The following SAR1B variants were observed in gnomAD, a reference collection of about 807,000 sequenced individuals.
The protein encoded by SAR1B is small COPII coat GTPase SAR1B.
SAR1B carries 23 observed loss-of-function variants against 26.8 expected under a neutral mutation model. The ratio of observed to expected loss-of-function variants is 0.86; its 90% CI spans 0.62 to 1.22. The LOEUF is 1.22. Ranked by LOEUF, SAR1B falls within the 50% of genes most tolerant of loss-of-function variation. The pLI, the probability that SAR1B is intolerant of heterozygous loss-of-function variation, is 0.00. For missense variants in SAR1B, 196 were observed against 232.8 expected, an observed-to-expected ratio of 0.84 and a Z score of 1.03; for synonymous variants, 65 against 80.8, an observed-to-expected ratio of 0.80 and a Z score of 1.05.
At chr5:134,607,148 T>C in intron 6 of SAR1B, 82 bp from the exon 7 acceptor site, 1 of 925,246 alleles carries the variant, frequency 1.1e-6, no homozygotes, top group Non-Finnish European at 1.8e-6. Flanking sequence ...AGGTTCTATT[T>C]TAGAACAAAG....
intron 1 of SAR1B, chr5:134,625,758 T>G (rs962958944): frequency 2.6e-5 from 4 of 152,098 alleles, no homozygotes; most frequent in Non-Finnish European, 4.4e-5. Context: ...CTGTCCACAT[T>G]GACAGGCAGT....
rs539890605 is a variant in SAR1B at position 134,610,027 on chromosome 5, G to A, written c.245-353C>T. Among the ~76,000 whole-genome samples the A allele has an allele frequency of 7.9e-5, 12 of 151,078 alleles. No individual in the cohort carries two copies. In the South Asian group the frequency reaches 2.3e-3, roughly 29 times the overall value. The stretch of plus-strand genomic sequence containing the variant: ...TAAGCAGTAAAAAAACTACATATAT[G>A]TGATTATATATACATAAAATGTGTG... On this transcript the variant is annotated intron_variant, in intron 4 of 6. Coordinates refer to ENST00000402673, the MANE Select transcript of SAR1B (RefSeq NM_016103.4).
intron 1 of SAR1B, among the ~76,000 whole-genome samples, chr5:134,631,155 T>C (rs953342999): frequency 1.3e-5 from 2 of 152,038 alleles, no homozygotes; most frequent in Non-Finnish European, 2.9e-5. Flanking sequence ...TTTTTCTTAA[T>C]TCTTGCTTGA....
Position 134,606,283 on chromosome 5 carries a change from T to C in SAR1B, c.*667A>G, listed in dbSNP as rs1192019538. On this transcript the variant is annotated 3_prime_UTR_variant, in exon 7 of 7. Coordinates refer to ENST00000402673, the MANE Select transcript of SAR1B (RefSeq NM_016103.4). Reference sequence around the variant, plus strand: ...CCATCTCATGGTAAATACCTAAGCCTTGAGAGCCTTAAACGCTATTCTAAA... The same window carrying C: ...CCATCTCATGGTAAATACCTAAGCCCTGAGAGCCTTAAACGCTATTCTAAA... The C allele has an allele frequency of 1.3e-5, 2 of 153,900 alleles. No homozygotes were observed. The highest frequency in any genetic ancestry group is 4.8e-5 in the African/African-American group (2 of 41,462). 9.5% of individuals were successfully genotyped at this position (153,900 alleles called of 1,614,324 possible). A position where few individuals can be genotyped will look rare whatever the true frequency, so the allele number is the denominator to read the frequency against.
chr5:134,625,219 TAA>T (rs891402469), intron 1 of SAR1B, among the ~76,000 whole-genome samples: 4 of 152,034 alleles, frequency 2.6e-5, no homozygotes, highest in Non-Finnish European at 5.9e-5. Flanking sequence ...TGAATCAAGT[TAA>T]AAGACTGCCA....
chr5:134,628,883 T>C, intron 1 of SAR1B, among the ~76,000 whole-genome samples: 1 of 151,960 alleles, frequency 6.6e-6, no homozygotes, highest in Non-Finnish European at 1.5e-5. Flanking sequence ...CTTGAACTCC[T>C]GACCTCGAGA....
intron 1 of SAR1B, among the ~76,000 whole-genome samples, chr5:134,626,536 A>T (rs1250344352): frequency 6.6e-6 from 1 of 152,188 alleles, no homozygotes; most frequent in African/African-American, 2.4e-5. Context: ...GTCAAGAACA[A>T]GGAAACATAC....
At chr5:134,630,881 T>C (rs1219398132) in intron 1 of SAR1B, among the ~76,000 whole-genome samples, 3 of 147,278 alleles carry the variant, frequency 2.0e-5, no homozygotes, top group African/African-American at 7.4e-5. Flanking sequence ...TTCTATTTCT[T>C]TTTTTTTCTT....
chr5:134,608,251 T>G (rs1052795105), intron 6 of SAR1B, 121 bp downstream of exon 6: 1 of 1,034,842 alleles, frequency 9.7e-7, no homozygotes, highest in Non-Finnish European at 1.4e-6. Context: ...CCCACAGGTA[T>G]AAATGACAGT....
At chr5:134,621,989 G>T (rs1337658553) in intron 2 of SAR1B, among the ~76,000 whole-genome samples, 1 of 152,176 alleles carries the variant, frequency 6.6e-6, no homozygotes, top group Non-Finnish European at 1.5e-5. Flanking sequence ...CTCCCAAGGT[G>T]CTGGGATTAT....
At chr5:134,621,547 A>G (rs1002663371) in intron 2 of SAR1B, among the ~76,000 whole-genome samples, 3 of 152,190 alleles carry the variant, frequency 2.0e-5, no homozygotes, top group Non-Finnish European at 2.9e-5. Flanking sequence ...AGATAATTAT[A>G]AAACCAAACT....
At chr5:134,612,221 T>C (rs532516054) in intron 4 of SAR1B, among the ~76,000 whole-genome samples, 18 of 152,274 alleles carry the variant, frequency 1.2e-4, no homozygotes, top group African/African-American at 3.4e-4. Context: ...GAATGGAAGT[T>C]AATTTTACTC....
intron 3 of SAR1B, 27 bp downstream of exon 3, chr5:134,620,906 T>C (rs146131923): frequency 6.2e-7 from 1 of 1,612,992 alleles, no homozygotes; most frequent in South Asian, 1.1e-5. Flanking sequence ...TGATCAAGTA[T>C]CACATTGTAT....
At chr5:134,615,500 G>A (rs1765294250) in intron 3 of SAR1B, among the ~76,000 whole-genome samples, 1 of 151,378 alleles carries the variant, frequency 6.6e-6, no homozygotes, top group Non-Finnish European at 1.5e-5. Flanking sequence ...GGGCAACAGA[G>A]AGAGATTCTG....
In SAR1B at chr5:134,602,760, C is replaced by T. The variant is rs905586226; in HGVS notation, c.*4190G>A. ...GGGCATGGTGTGGTGCACCTGTAATCCCAGCTACTCGGGATGGTGAGGCAC... is the reference window on the plus strand; with the variant it reads ...GGGCATGGTGTGGTGCACCTGTAATTCCAGCTACTCGGGATGGTGAGGCAC... On this transcript the variant is annotated 3_prime_UTR_variant, in exon 7 of 7. Coordinates refer to ENST00000402673, the MANE Select transcript of SAR1B (RefSeq NM_016103.4). 1.3e-5 allele frequency: 2 copies of T among 152,044 alleles called. No individual in the cohort carries two copies. Among genetic ancestry groups the T allele is most frequent in the African/African-American group, 4.8e-5 (2 of 41,378 alleles). 9.4% of individuals were successfully genotyped at this position (152,044 alleles called of 1,614,324 possible).
At chr5:134,610,419 G>A (rs1302917815) in intron 4 of SAR1B, among the ~76,000 whole-genome samples, 3 of 152,022 alleles carry the variant, frequency 2.0e-5, no homozygotes, top group Non-Finnish European at 4.4e-5. Flanking sequence ...GACCAACCTG[G>A]CCAACATAGT....
chr5:134,627,177 G>A (rs1456645025), intron 1 of SAR1B, among the ~76,000 whole-genome samples: 2 of 151,618 alleles, frequency 1.3e-5, no homozygotes, highest in East Asian at 2.0e-4. Context: ...TCAGCCTCCC[G>A]AGTAGCTGGG....
Position 134,631,383 on chromosome 5 carries a change from A to G in SAR1B, c.-19+1345T>C, listed in dbSNP as rs1367932002. 2.0e-5 allele frequency among the ~76,000 whole-genome samples: 3 copies of G among 152,204 alleles called. No individual in the cohort carries two copies. In the East Asian group the frequency reaches 5.8e-4, roughly 29 times the overall value. On this transcript the variant is annotated intron_variant, in intron 1 of 6. Coordinates refer to ENST00000402673, the MANE Select transcript of SAR1B (RefSeq NM_016103.4). ...ACACAAGTCTACTGAAAGGTATAAT[A>G]GTAGATAATCATGTTGCTTTGCTAT...
At chr5:134,608,618 C>T (rs557241739) in intron 5 of SAR1B, 115 bp from the exon 6 acceptor site, 102 of 1,154,334 alleles carry the variant, frequency 8.8e-5, no homozygotes, top group Middle Eastern at 2.1e-4. Flanking sequence ...GTCATACCAA[C>T]GTTCTTTGTC....
Sources: gnomAD v4.1 joint callset for allele counts (sites outside exome capture counted in the v4.1 genomes callset) on GRCh38, gnomAD v4.1.1 for gene constraint, MANE v1.5 for transcripts, NCBI Gene and HGNC (gene_info 2026-07-23, HGNC 2026-07-21) for gene names.